The following GP6 variants were observed in gnomAD, a reference collection of about 807,000 sequenced individuals.
GP6 encodes the protein glycoprotein VI platelet.
GP6 carries 45 observed loss-of-function variants against 37.3 expected under a neutral mutation model. The ratio of observed to expected loss-of-function variants is 1.21; its 90% CI spans 0.95 to 1.55. GP6 has a LOEUF of 1.55. Ranked by LOEUF, GP6 falls within the 40% of genes most tolerant of loss-of-function variation. The probability of loss-of-function intolerance (pLI) is 0.00; values close to 1 mark genes in which losing one functional copy is unlikely to be tolerated. For missense variants in GP6, 813 were observed against 760.2 expected, an observed-to-expected ratio of 1.07 and a Z score of -0.82; for synonymous variants, 340 against 316.4, an observed-to-expected ratio of 1.07 and a Z score of -0.79.
At chr19:55,030,535 G>T (rs2074520649) in intron 3 of GP6, among the ~76,000 whole-genome samples, 1 of 151,890 alleles carries the variant, frequency 6.6e-6, no homozygotes, top group Non-Finnish European at 1.5e-5. Flanking sequence ...TAGAGACGGG[G>T]TTTCACCATG....
intron 4 of GP6, among the ~76,000 whole-genome samples, chr19:55,026,772 G>A (rs2074319866): frequency 6.6e-6 from 1 of 151,980 alleles, no homozygotes; most frequent in South Asian, 2.1e-4. Context: ...TGTAATTCCA[G>A]CTACTCGAGA....
intron 1 of GP6, among the ~76,000 whole-genome samples, chr19:55,033,427 C>CATTGCCCATTGACTTCCTCA (rs2074686222): frequency 8.2e-6 from 1 of 122,364 alleles, no homozygotes; most frequent in Non-Finnish European, 1.7e-5. Context: ...TCGTGTTAGA[C>CATTGCCCATTGACTTCCTCA]GCGGTGGGCT....
chr19:55,018,220 A>C (rs1014534339), intron 6 of GP6, among the ~76,000 whole-genome samples: 1 of 152,202 alleles, frequency 6.6e-6, no homozygotes, highest in Non-Finnish European at 1.5e-5. Context: ...GGCAAGGGGA[A>C]AGAGACTGAG....
At chr19:55,034,748 G>A (rs369901569) in intron 1 of GP6, among the ~76,000 whole-genome samples, 1 of 119,348 alleles carries the variant, frequency 8.4e-6, no homozygotes, top group African/African-American at 3.2e-5. Flanking sequence ...CACACACAAA[G>A]GCGGGATAGT....
chr19:55,017,799 G>A (rs751214975), intron 6 of GP6, among the ~76,000 whole-genome samples: 6 of 152,160 alleles, frequency 3.9e-5, no homozygotes, highest in Middle Eastern at 6.8e-3. Flanking sequence ...TGCCGGGCGC[G>A]GTGGCTCATG....
intron 1 of GP6, among the ~76,000 whole-genome samples, chr19:55,034,113 C>G (rs1011639470): frequency 2.9e-5 from 4 of 137,620 alleles, no homozygotes; most frequent in Non-Finnish European, 6.4e-5. Context: ...TGTGTACATA[C>G]ACACGTGTAT....
chr19:55,037,190 G>A (rs4806636), intron 1 of GP6, among the ~76,000 whole-genome samples: 2 of 151,812 alleles, frequency 1.3e-5, no homozygotes, highest in African/African-American at 4.8e-5. Context: ...AGGAAATAAT[G>A]CATTCGACAT....
Position 55,015,003 on chromosome 19 carries a change from G to T in GP6, c.942C>A (p.Pro314=). ...TGATTTCCGGGTCAGCGGGAGGGGC[G>T]GGAGGGGCGGAAGCGGCCTCTGCAC... The change falls in exon 8 of 8, where the codon CCC becomes CCA. Residue 314 remains proline (P), a synonymous_variant. Transcript: ENST00000310373. 1.9e-6 allele frequency: 3 copies of T among 1,612,548 alleles called. No individual in the cohort carries two copies. The highest frequency in any genetic ancestry group is 4.5e-5 in the East Asian group (2 of 44,842).
intron 1 of GP6, 142 bp from the exon 2 acceptor site, chr19:55,032,680 T>G: frequency 1.1e-6 from 1 of 926,514 alleles, no homozygotes; most frequent in Non-Finnish European, 1.7e-6. Context: ...GGAATGTAAT[T>G]TAAGTGAGAG....
chr19:55,037,481 G>C, intron 1 of GP6, among the ~76,000 whole-genome samples: 1 of 152,028 alleles, frequency 6.6e-6, no homozygotes, highest in South Asian at 2.1e-4. Context: ...GGGATTACAG[G>C]CATGTGCCAC....
chr19:55,016,351 A>G (rs952656648), intron 6 of GP6, among the ~76,000 whole-genome samples: 1 of 150,794 alleles, frequency 6.6e-6, no homozygotes, highest in Non-Finnish European at 1.5e-5. Flanking sequence ...CGTGCTTGAC[A>G]TATGAGCACC....
At chr19:55,015,193 G>C in intron 7 of GP6, 28 bp from the exon 8 acceptor site, 1 of 1,551,296 alleles carries the variant, frequency 6.4e-7, no homozygotes, top group Non-Finnish European at 8.7e-7. Context: ...GGCAGGAGCA[G>C]GTGAAAGAGC....
intron 1 of GP6, among the ~76,000 whole-genome samples, chr19:55,034,972 C>T (rs556396858): frequency 1.3e-5 from 2 of 152,180 alleles, no homozygotes; most frequent in Non-Finnish European, 1.5e-5. Context: ...CTGTCCCCCT[C>T]CTCCTGCCGC....
At chr19:55,016,438 C>T (rs187257649) in intron 6 of GP6, among the ~76,000 whole-genome samples, 3 of 149,710 alleles carry the variant, frequency 2.0e-5, no homozygotes, top group African/African-American at 7.4e-5. Flanking sequence ...TGCAGTGGCC[C>T]GATGTCGGCT....
chr19:55,025,709 A>C (rs1365658833), intron 4 of GP6, among the ~76,000 whole-genome samples: 1 of 150,488 alleles, frequency 6.6e-6, no homozygotes, highest in Admixed American at 6.7e-5. Flanking sequence ...CCATCTGAAA[A>C]AAAAAGGCTT....
intron 1 of GP6, among the ~76,000 whole-genome samples, chr19:55,037,765 G>A (rs982700052): frequency 9.4e-5 from 14 of 149,686 alleles, no homozygotes; most frequent in Non-Finnish European, 1.9e-4. Flanking sequence ...CCACGTAGCT[G>A]GGATTACAAG....
In GP6 at chr19:55,027,988, C is replaced by T. The variant is rs183884500; in HGVS notation, c.326-126G>A. 1.8e-3 allele frequency: 1,580 copies of T among 899,668 alleles called. 17 individuals carry two copies. Among genetic ancestry groups the T allele is most frequent in the Non-Finnish European group, 5.6e-4 (301 of 539,560 alleles). The allele number at this position is 899,668 out of a possible 1,614,324, so 55.7% of individuals were successfully genotyped here. A position where few individuals can be genotyped will look rare whatever the true frequency, so the allele number is the denominator to read the frequency against. On this transcript the variant is annotated intron_variant, in intron 3 of 7. Transcript: ENST00000310373. ...CTGTATCCCTCCCAGAGAGCGCACT[C>T]CCCCACCCAAGCTCACAGAGAGGTC...
intron 5 of GP6, among the ~76,000 whole-genome samples, chr19:55,024,289 T>TGCACACACGCATGCATGCACACACACAC: frequency 5.9e-5 from 6 of 101,912 alleles, no homozygotes; most frequent in African/African-American, 2.1e-4. Context: ...CACACACACA[T>TGCACACACGCATGCATGCACACACACAC]ATGCACGCAT....
rs1156421016 is a variant in GP6 at position 55,038,144 on chromosome 19, TTGTC to T, written c.34+55_34+58del. On this transcript the variant is annotated intron_variant, in intron 1 of 7. Transcript: ENST00000310373. ...CCAATGCAAATTTCTTAAAAATCCT[TTGTC>T]TGGCAGTCCATGCCTGTCCTTCAGC... The T allele has an allele frequency of 1.0e-5, 14 of 1,351,930 alleles. No individual in the cohort carries two copies. In the East Asian group the frequency reaches 2.2e-4, roughly 21 times the overall value. The allele number at this position is 1,351,930 out of a possible 1,614,324, so 83.7% of individuals were successfully genotyped here.
Sources: allele counts gnomAD v4.1 joint callset (sites outside exome capture counted in the v4.1 genomes callset), GRCh38; gene constraint gnomAD v4.1.1; transcripts MANE v1.5; gene names NCBI Gene and HGNC (gene_info 2026-07-23, HGNC 2026-07-21).